GRID2: variants seen among roughly 807,000 people sequenced by gnomAD.
GRID2 encodes the protein glutamate receptor ionotropic, delta-2.
Under a neutral mutation model 114.8 loss-of-function variants are expected in GRID2, and 33 were observed. The observed-to-expected ratio is 0.29, with a 90% CI of 0.22 to 0.38. GRID2 has a LOEUF of 0.38. GRID2 is among the 10% of genes least tolerant of loss of function. The probability of loss-of-function intolerance (pLI) is 1.00; values close to 1 mark genes in which losing one functional copy is unlikely to be tolerated. For synonymous variants in GRID2, 505 were observed against 449.9 expected (o/e 1.12, Z -1.55); for missense variants, 1,184 against 1,257.7 (o/e 0.94, Z 0.89).
intron 2 of GRID2, among the ~76,000 whole-genome samples, chr4:93,036,389 G>A (rs1343453937): frequency 6.6e-6 from 1 of 151,998 alleles, no homozygotes; most frequent in Non-Finnish European, 1.5e-5. Flanking sequence ...TGTGCACTCT[G>A]TGCTCTTATT....
At chr4:93,665,185 T>C (rs539289995) in intron 14 of GRID2, among the ~76,000 whole-genome samples, 9 of 152,294 alleles carry the variant, frequency 5.9e-5, no homozygotes, top group Non-Finnish European at 8.8e-5. Context: ...TCAGTTGTTT[T>C]CTCATCACTT....
chr4:93,442,360 CT>C (rs1413302828), intron 10 of GRID2, among the ~76,000 whole-genome samples: 14 of 151,994 alleles, frequency 9.2e-5, no homozygotes, highest in African/African-American at 3.4e-4. Flanking sequence ...CTGGAAAACT[CT>C]TTCTGATGGT....
intron 2 of GRID2, among the ~76,000 whole-genome samples, chr4:92,663,077 C>A (rs1425088530): frequency 6.6e-6 from 1 of 150,892 alleles, no homozygotes; most frequent in African/African-American, 2.4e-5. Flanking sequence ...ATGCTAGAGG[C>A]TGGAGCCTGT....
intron 10 of GRID2, among the ~76,000 whole-genome samples, chr4:93,433,742 A>G (rs376130456): frequency 6.6e-6 from 1 of 152,154 alleles, no homozygotes; most frequent in African/African-American, 2.4e-5. Context: ...TAGAACTTTC[A>G]TTGATTTTCC....
chr4:92,675,463 C>T (rs904854469), intron 2 of GRID2, among the ~76,000 whole-genome samples: 4 of 151,826 alleles, frequency 2.6e-5, no homozygotes, highest in African/African-American at 7.3e-5. Flanking sequence ...TTTCAGCTGC[C>T]ACAGGCCACA....
chr4:92,989,724 A>G (rs1408789308), intron 2 of GRID2, among the ~76,000 whole-genome samples: 2 of 152,196 alleles, frequency 1.3e-5, no homozygotes, highest in Non-Finnish European at 2.9e-5. Flanking sequence ...CTAAAGTACC[A>G]TAATATTAAC....
intron 14 of GRID2, among the ~76,000 whole-genome samples, chr4:93,718,382 A>G (rs1448073840): frequency 6.6e-6 from 1 of 152,230 alleles, no homozygotes; most frequent in Admixed American, 6.5e-5. Flanking sequence ...GTCATTTTAA[A>G]TAAAATGACA....
rs998029530 is a variant in GRID2 at position 92,939,659 on chromosome 4, G to T, written c.245-145336G>T. On this transcript the variant is annotated intron_variant, in intron 2 of 15. Transcript: ENST00000282020. ...CTTGCCCATGCCTATGTCCTGAATG[G>T]TATTGCCTAGGTTTTTGTCTAGGGT... Among the ~76,000 whole-genome samples, 16 of 147,220 alleles carry T rather than the reference G, an allele frequency of 1.1e-4. 1 individual carries two copies. Among genetic ancestry groups the T allele is most frequent in the African/African-American group, 3.6e-4 (15 of 41,336 alleles).
chr4:93,219,667 G>A (rs1252754103), intron 6 of GRID2, among the ~76,000 whole-genome samples: 2 of 152,216 alleles, frequency 1.3e-5, no homozygotes, highest in African/African-American at 2.4e-5. Flanking sequence ...ATTAGCTTAA[G>A]TTGCAAAATA....
chr4:92,413,334 T>C (rs755830498), intron 1 of GRID2, among the ~76,000 whole-genome samples: 2 of 152,178 alleles, frequency 1.3e-5, no homozygotes, highest in Non-Finnish European at 2.9e-5. Context: ...GTTAGTTTTT[T>C]TTAAAAATGA....
chr4:93,312,459 G>T (rs996384275), intron 8 of GRID2, among the ~76,000 whole-genome samples: 13 of 152,138 alleles, frequency 8.5e-5, no homozygotes, highest in Non-Finnish European at 1.6e-4. Flanking sequence ...GTGCAATGAA[G>T]CATTCAAGTG....
chr4:93,582,007 T>G (rs1578312123), intron 13 of GRID2, among the ~76,000 whole-genome samples: 1 of 152,212 alleles, frequency 6.6e-6, no homozygotes, highest in Admixed American at 6.5e-5. Flanking sequence ...GTGCTCCATG[T>G]ATTGATTTCC....
intron 1 of GRID2, among the ~76,000 whole-genome samples, chr4:92,402,391 C>A (rs1216593053): frequency 6.6e-6 from 1 of 152,112 alleles, no homozygotes; most frequent in Non-Finnish European, 1.5e-5. Context: ...TCAGAGGAAC[C>A]ACTACTTATG....
chr4:92,709,458 T>G lies in GRID2; in HGVS notation c.244+119172T>G, dbSNP rs1735115066. Among the ~76,000 whole-genome samples, 3 of 151,708 alleles carry G rather than the reference T, an allele frequency of 2.0e-5. No individual in the cohort carries two copies. The South Asian group carries it at 6.2e-4, about 32-fold the overall frequency. On this transcript the variant is annotated intron_variant, in intron 2 of 15. Transcript: ENST00000282020. ...TACGCTATTCGCAGTTTGTTGCAATTTTTCAAATGATCTACAAAGTGGAGA... is the reference window on the plus strand; with the variant it reads ...TACGCTATTCGCAGTTTGTTGCAATGTTTCAAATGATCTACAAAGTGGAGA...
intron 2 of GRID2, among the ~76,000 whole-genome samples, chr4:92,604,296 C>A (rs895379454): frequency 6.6e-6 from 1 of 152,008 alleles, no homozygotes; most frequent in Non-Finnish European, 1.5e-5. Flanking sequence ...TCCAAATGAC[C>A]GTCAATGATA....
intron 13 of GRID2, among the ~76,000 whole-genome samples, chr4:93,598,675 G>A (rs1739358187): frequency 6.6e-6 from 1 of 152,098 alleles, no homozygotes; most frequent in African/African-American, 2.4e-5. Context: ...TGTATTTACA[G>A]ATTTTGTATC....
At chr4:93,078,533 A>T (rs1729543272) in intron 2 of GRID2, among the ~76,000 whole-genome samples, 1 of 150,976 alleles carries the variant, frequency 6.6e-6, no homozygotes, top group Non-Finnish European at 1.5e-5. Flanking sequence ...GTGTTCTTTG[A>T]AGAATTGTTA....
chr4:92,999,566 G>A (rs1219856033), intron 2 of GRID2, among the ~76,000 whole-genome samples: 1 of 151,542 alleles, frequency 6.6e-6, no homozygotes, highest in Non-Finnish European at 1.5e-5. Flanking sequence ...TCAGGTTACT[G>A]CATAATTTTA....
At chr4:93,307,850 C>A (rs1755594945) in intron 8 of GRID2, among the ~76,000 whole-genome samples, 1 of 143,886 alleles carries the variant, frequency 6.9e-6, no homozygotes, top group African/African-American at 2.6e-5. Flanking sequence ...TTTGACTTTA[C>A]TACCACTTTT....
Sources: gnomAD v4.1 joint callset for allele counts (sites outside exome capture counted in the v4.1 genomes callset) on GRCh38, gnomAD v4.1.1 for gene constraint, MANE v1.5 for transcripts, NCBI Gene and HGNC (gene_info 2026-07-23, HGNC 2026-07-21) for gene names.